Variants in NPFFR2 observed in about 807,000 individuals in gnomAD.
NPFFR2 encodes the protein G-protein coupled receptor 74.
In NPFFR2, 15 loss-of-function variants were observed where a neutral mutation model predicts 13.1. That is an observed-to-expected ratio of 1.15 (90% CI 0.77 to 1.76). NPFFR2 has a LOEUF of 1.76. Ranked by LOEUF, NPFFR2 falls within the 40% of genes most tolerant of loss-of-function variation. The pLI is 0.00. For synonymous variants in NPFFR2, 190 were observed against 175.7 expected, an observed-to-expected ratio of 1.08 and a Z score of -0.65; for missense variants, 572 against 503.5, an observed-to-expected ratio of 1.14 and a Z score of -1.30.
At chr4:72,047,902 A>G (rs534301369) in intron 1 of NPFFR2, among the ~76,000 whole-genome samples, 1 of 152,196 alleles carries the variant, frequency 6.6e-6, no homozygotes, top group Admixed American at 6.5e-5. Context: ...TATCAGCTTT[A>G]TTTCTGTTGA....
intron 1 of NPFFR2, among the ~76,000 whole-genome samples, chr4:72,079,440 C>T (rs555242956): frequency 6.6e-6 from 1 of 152,144 alleles, no homozygotes; most frequent in East Asian, 1.9e-4. Context: ...AGTTAGTCAA[C>T]ATAATCAACT....
intron 1 of NPFFR2, among the ~76,000 whole-genome samples, chr4:72,067,167 A>T (rs1720096621): frequency 6.6e-6 from 1 of 152,176 alleles, no homozygotes; most frequent in African/African-American, 2.4e-5. Context: ...CATCGTGTGG[A>T]TGGATTCTCC....
chr4:72,098,951 G>A (rs72651501), intron 1 of NPFFR2, among the ~76,000 whole-genome samples: 481 of 152,266 alleles, frequency 3.2e-3, no homozygotes, highest in Non-Finnish European at 4.4e-3. Flanking sequence ...CTGCCTAGGA[G>A]GAGAAAAACA....
chr4:72,042,850 G>C (rs1047586109), intron 1 of NPFFR2, among the ~76,000 whole-genome samples: 2 of 152,180 alleles, frequency 1.3e-5, no homozygotes, highest in Non-Finnish European at 1.5e-5. Context: ...TTTCTGAAAA[G>C]AAATTTAAGC....
chr4:72,039,485 T>C (rs2109753848), intron 1 of NPFFR2: 1 of 593,958 alleles, frequency 1.7e-6, no homozygotes, highest in Non-Finnish European at 2.1e-6. Context: ...ATATATACAC[T>C]CTCAAATCAA....
At chr4:72,101,899 A>G (rs1260482985) in intron 1 of NPFFR2, among the ~76,000 whole-genome samples, 4 of 152,122 alleles carry the variant, frequency 2.6e-5, no homozygotes, top group Non-Finnish European at 2.9e-5. Context: ...AGAAAAATCA[A>G]AATAAACATA....
At chr4:72,132,545 C>G (rs1009946015) in intron 2 of NPFFR2, among the ~76,000 whole-genome samples, 10 of 152,148 alleles carry the variant, frequency 6.6e-5, no homozygotes, top group African/African-American at 2.4e-4. Flanking sequence ...AATGGTAGTT[C>G]TGTCTTTAGG....
Position 72,147,025 on chromosome 4 carries a change from C to T in NPFFR2, c.476C>T (p.Thr159Ile). Residue 159 changes from threonine (T) to isoleucine (I), a missense_variant, in exon 4 of 4, where the codon ACA (threonine) becomes ATA (isoleucine). Physicochemically the swap from Thr to Ile is moderately conservative, Grantham distance 89. Coordinates refer to ENST00000308744, the MANE Select transcript of NPFFR2 (RefSeq NM_004885.3). ...YPFKPKLTIK[T>I]AFVIIMIIWV... ...TTTAAACCAAAGCTCACTATCAAGA[C>T]AGCGTTTGTCATTATTATGATCATC... is the stretch of plus-strand genomic sequence containing the variant. The T allele has an allele frequency of 6.2e-7, 1 of 1,614,040 alleles. No homozygotes were observed. The highest frequency in any genetic ancestry group is 8.5e-7 in the Non-Finnish European group (1 of 1,179,964).
intron 1 of NPFFR2, among the ~76,000 whole-genome samples, chr4:72,083,797 C>CTTT (rs929791860): frequency 3.3e-5 from 5 of 152,140 alleles, no homozygotes; most frequent in Non-Finnish European, 7.3e-5. Flanking sequence ...AAACCAAGCA[C>CTTT]TTTAAGTCTC....
At chr4:72,040,795 G>T (rs1410378505) in intron 1 of NPFFR2, among the ~76,000 whole-genome samples, 3 of 151,654 alleles carry the variant, frequency 2.0e-5, no homozygotes, top group African/African-American at 7.3e-5. Context: ...CAAAAATCAG[G>T]CATGTTGTTC....
rs144234360 is a variant in NPFFR2 at position 72,147,200 on chromosome 4, G to T, written c.651G>T (p.Lys217Asn). 14 of 1,614,034 alleles carry T rather than the reference G, an allele frequency of 8.7e-6. No individual in the cohort carries two copies. The African/African-American group carries it at 1.9e-4, about 22-fold the overall frequency. Residue 217 changes from lysine (K) to asparagine (N), a missense_variant, in exon 4 of 4, where the codon AAG (lysine) becomes AAT (asparagine). By Grantham distance (94) the Lys-to-Asn change is moderately conservative. Coordinates refer to ENST00000308744, the MANE Select transcript of NPFFR2 (RefSeq NM_004885.3). ...ACTGGCCAAATCAGGAAATGAGGAA[G>T]ATCTACACCACTGTGCTGTTTGCCA... is the stretch of plus-strand genomic sequence containing the variant. ...REDWPNQEMR[K>N]IYTTVLFANI... is the part of the protein sequence containing the mutation.
At chr4:72,053,326 A>G (rs912399565) in intron 1 of NPFFR2, among the ~76,000 whole-genome samples, 1 of 151,896 alleles carries the variant, frequency 6.6e-6, no homozygotes, top group Non-Finnish European at 1.5e-5. Flanking sequence ...GGGGAAAGAA[A>G]ACAGCATGGA....
chr4:72,143,444 A>G (rs1177758258), intron 3 of NPFFR2, among the ~76,000 whole-genome samples: 1 of 152,166 alleles, frequency 6.6e-6, no homozygotes, highest in Non-Finnish European at 1.5e-5. Flanking sequence ...AGTCAGGGAA[A>G]AAAGGGGGCA....
chr4:72,043,639 C>T (rs1374998722), intron 1 of NPFFR2, among the ~76,000 whole-genome samples: 3 of 152,192 alleles, frequency 2.0e-5, no homozygotes, highest in Non-Finnish European at 4.4e-5. Flanking sequence ...GGGCCTGTAG[C>T]CCCTTTGTTT....
chr4:72,129,043 TC>T (rs1408426022), intron 2 of NPFFR2, 124 bp downstream of exon 2: 1 of 703,970 alleles, frequency 1.4e-6, no homozygotes, highest in Non-Finnish European at 2.4e-6. Context: ...CAGGAACTGA[TC>T]CAGGCACCTG....
At chr4:72,034,890 G>A (rs1248507453) in intron 1 of NPFFR2, among the ~76,000 whole-genome samples, 2 of 152,188 alleles carry the variant, frequency 1.3e-5, no homozygotes, top group Non-Finnish European at 2.9e-5. Flanking sequence ...AATGGGTCTT[G>A]TGTCCTTGCT....
chr4:72,132,436 G>A (rs577574468), intron 2 of NPFFR2, among the ~76,000 whole-genome samples: 2 of 152,030 alleles, frequency 1.3e-5, no homozygotes, highest in Non-Finnish European at 2.9e-5. Context: ...CTTTGCTATC[G>A]TGAATAGTGC....
intron 2 of NPFFR2, among the ~76,000 whole-genome samples, chr4:72,136,641 G>A (rs1722421980): frequency 6.6e-6 from 1 of 152,028 alleles, no homozygotes; most frequent in African/African-American, 2.4e-5. Context: ...CCGTAGGAAT[G>A]TAGGGCTGGC....
At chr4:72,072,271 T>C (rs1410046019) in intron 1 of NPFFR2, among the ~76,000 whole-genome samples, 4 of 151,856 alleles carry the variant, frequency 2.6e-5, no homozygotes, top group African/African-American at 9.7e-5. Flanking sequence ...ACACAGACTT[T>C]GAACAACTGT....
Sources: gnomAD v4.1 joint callset for allele counts (sites outside exome capture counted in the v4.1 genomes callset) on GRCh38, gnomAD v4.1.1 for gene constraint, MANE v1.5 for transcripts, NCBI Gene and HGNC (gene_info 2026-07-23, HGNC 2026-07-21) for gene names.